ELAPOR2: variants seen among roughly 807,000 people sequenced by gnomAD.
ELAPOR2 encodes endosome-lysosome associated apoptosis and autophagy regulator family member 2.
ELAPOR2 carries 89 observed loss-of-function variants against 120.7 expected under a neutral mutation model. The observed-to-expected ratio is 0.74, with a 90% CI of 0.62 to 0.88. The LOEUF (loss-of-function observed/expected upper bound fraction) is 0.88. Ranked by LOEUF, ELAPOR2 falls within the 40% of genes least tolerant of loss-of-function variation. ELAPOR2 has a pLI of 0.00. For synonymous variants in ELAPOR2, 444 were observed against 444.9 expected (o/e 1.00, Z 0.03); for missense variants, 1,134 against 1,251.6 (o/e 0.91, Z 1.42).
At chr7:87,034,480 A>T (rs975185065) in intron 1 of ELAPOR2, among the ~76,000 whole-genome samples, 6 of 151,986 alleles carry the variant, frequency 3.9e-5, no homozygotes, top group African/African-American at 1.5e-4. Flanking sequence ...ACAAATGTAG[A>T]AAAAAATGAG....
At chr7:86,905,620 T>C (rs1788975547) in intron 18 of ELAPOR2, among the ~76,000 whole-genome samples, 1 of 152,048 alleles carries the variant, frequency 6.6e-6, no homozygotes, top group Non-Finnish European at 1.5e-5. Context: ...TGGAATACAT[T>C]TTGAGAATCT....
chr7:87,031,406 T>G (rs1300885474), intron 1 of ELAPOR2, among the ~76,000 whole-genome samples: 1 of 151,870 alleles, frequency 6.6e-6, no homozygotes, highest in Non-Finnish European at 1.5e-5. Context: ...ATGAGTGGCA[T>G]GAGATCCACA....
chr7:86,880,512 C>T lies in ELAPOR2; in HGVS notation c.3049G>A (p.Glu1017Lys). 1 of 1,606,700 alleles carries T rather than the reference C, an allele frequency of 6.2e-7. No homozygotes were observed. The highest frequency in any genetic ancestry group is 1.1e-5 in the South Asian group (1 of 90,844). The change falls in exon 22 of 22, where the codon GAA becomes AAA. Residue 1017 changes from glutamate to lysine, a missense_variant. Glu to Lys is a moderately conservative substitution (Grantham distance 56, BLOSUM62 1). This residue lies in a region of ELAPOR2 where 831 missense variants were observed against 867.6 expected (regional missense o/e 0.96). Transcript: ENST00000450689. ...LATKEKEDHF[E>K]SVQLKTSRSP... ...CTTGAGGTTTTCAGTTGAACAGATT[C>T]AAAATGGTCTTCTTTTTCCTAAGAA...
At chr7:86,953,743 G>C (rs779445522) in intron 2 of ELAPOR2, among the ~76,000 whole-genome samples, 1 of 152,118 alleles carries the variant, frequency 6.6e-6, no homozygotes, top group Non-Finnish European at 1.5e-5. Flanking sequence ...TGAAATCTTA[G>C]AGAAACTGAA....
chr7:87,027,842 G>A (rs910557020), intron 1 of ELAPOR2, among the ~76,000 whole-genome samples: 5 of 152,100 alleles, frequency 3.3e-5, no homozygotes, highest in Admixed American at 3.3e-4. Flanking sequence ...CTTTGTTATA[G>A]CTGTCCCCAG....
At chr7:87,014,406 C>T (rs1231525394) in intron 1 of ELAPOR2, among the ~76,000 whole-genome samples, 1 of 152,130 alleles carries the variant, frequency 6.6e-6, no homozygotes, top group Non-Finnish European at 1.5e-5. Context: ...GTAAAAGCTT[C>T]AGTGCTTATA....
intron 10 of ELAPOR2, among the ~76,000 whole-genome samples, chr7:86,921,410 C>A (rs550416454): frequency 6.6e-6 from 1 of 151,856 alleles, no homozygotes; most frequent in Non-Finnish European, 1.5e-5. Context: ...AGAGGGAGGA[C>A]GGCCCTTTGA....
At chr7:86,959,034 G>T (rs1469046828) in intron 2 of ELAPOR2, among the ~76,000 whole-genome samples, 3 of 98,622 alleles carry the variant, frequency 3.0e-5, no homozygotes, top group Non-Finnish European at 5.9e-5. Flanking sequence ...GTACAAGTCT[G>T]TCACCTTGTT....
intron 2 of ELAPOR2, among the ~76,000 whole-genome samples, chr7:86,950,524 G>A (rs564448591): frequency 1.6e-4 from 25 of 152,166 alleles, no homozygotes; most frequent in South Asian, 4.2e-4. Context: ...CATATTCCCC[G>A]GTGCCAGCAC....
Position 86,957,903 on chromosome 7 carries a change from G to A in ELAPOR2, c.310+7001C>T, listed in dbSNP as rs138880811. Among the ~76,000 whole-genome samples the A allele has an allele frequency of 4.4e-3, 664 of 152,192 alleles. 9 individuals carry two copies. The highest frequency in any genetic ancestry group is 0.014 in the African/African-American group (591 of 41,524). Reference sequence around the variant, plus strand: ...TTATTTTTATAAATCCTTAAAAAATGAGAATACAATCTATAAAGAGAACAT... The same window carrying A: ...TTATTTTTATAAATCCTTAAAAAATAAGAATACAATCTATAAAGAGAACAT... On this transcript the variant is annotated intron_variant, in intron 2 of 21. Transcript: ENST00000450689.
intron 1 of ELAPOR2, among the ~76,000 whole-genome samples, chr7:86,990,960 G>A (rs1415091973): frequency 6.6e-6 from 1 of 152,106 alleles, no homozygotes; most frequent in Non-Finnish European, 1.5e-5. Flanking sequence ...AAGGAAACTG[G>A]GGTTGTTCCT....
At chr7:86,982,681 G>A (rs1767705) in intron 1 of ELAPOR2, among the ~76,000 whole-genome samples, 57,534 of 151,974 alleles carry the variant, frequency 0.38, 11,739 homozygotes, top group African/African-American at 0.53. Flanking sequence ...CCATCTGTAG[G>A]TCACCAACAT....
At chr7:87,028,654 GT>G (rs1446878886) in intron 1 of ELAPOR2, among the ~76,000 whole-genome samples, 2 of 151,960 alleles carry the variant, frequency 1.3e-5, no homozygotes, top group African/African-American at 4.8e-5. Context: ...CTCCTTTGTT[GT>G]TACCCACATC....
intron 1 of ELAPOR2, among the ~76,000 whole-genome samples, chr7:87,008,230 G>A (rs1793546895): frequency 1.3e-5 from 2 of 152,126 alleles, no homozygotes; most frequent in Admixed American, 1.3e-4. Context: ...TAATCGTGAA[G>A]AAACATTCCA....
At chr7:86,948,019 G>A (rs1013018233) in intron 2 of ELAPOR2, 97 bp from the exon 3 acceptor site, 1 of 808,680 alleles carries the variant, frequency 1.2e-6, no homozygotes, top group South Asian at 1.9e-5. Context: ...AACTCTGATT[G>A]TGCCACACTC....
chr7:86,997,850 T>C (rs915140470), intron 1 of ELAPOR2, among the ~76,000 whole-genome samples: 49 of 152,172 alleles, frequency 3.2e-4, no homozygotes, highest in African/African-American at 1.2e-3. Flanking sequence ...CTATACATCC[T>C]AACCTGAGTG....
At chr7:87,052,953 T>C (rs1795158118) in intron 1 of ELAPOR2, among the ~76,000 whole-genome samples, 1 of 152,062 alleles carries the variant, frequency 6.6e-6, no homozygotes, top group Non-Finnish European at 1.5e-5. Context: ...CATGCCACCA[T>C]GCCCAGCTGA....
At chr7:87,000,877 T>C (rs964663514) in intron 1 of ELAPOR2, among the ~76,000 whole-genome samples, 2 of 151,970 alleles carry the variant, frequency 1.3e-5, no homozygotes, top group Non-Finnish European at 2.9e-5. Context: ...ATGAGACATT[T>C]AAATCTCAGT....
At chr7:87,053,922 G>A (rs936811713) in intron 1 of ELAPOR2, among the ~76,000 whole-genome samples, 2 of 152,066 alleles carry the variant, frequency 1.3e-5, no homozygotes, top group African/African-American at 4.8e-5. Flanking sequence ...CACTGCACAC[G>A]GAAATTTTCC....
Sources: gnomAD v4.1 joint callset for allele counts (sites outside exome capture counted in the v4.1 genomes callset) on GRCh38, gnomAD v4.1.1 for gene constraint, gnomAD v4.1.1 regional missense constraint, MANE v1.5 for transcripts, NCBI Gene and HGNC (gene_info 2026-07-23, HGNC 2026-07-21) for gene names.